Variants in YOD1 observed in about 807,000 individuals in gnomAD.
YOD1 encodes the protein ubiquitin thioesterase OTU1.
In YOD1, 17 loss-of-function variants were observed where a neutral mutation model predicts 23.7. The observed-to-expected ratio is 0.72, with a 90% confidence interval of 0.49 to 1.07. YOD1 has a LOEUF of 1.07. YOD1 is among the 50% of genes least tolerant of loss of function. The probability of loss-of-function intolerance (pLI) is 0.00; values close to 1 mark genes in which losing one functional copy is unlikely to be tolerated. For missense variants in YOD1, 413 were observed against 447.2 expected, an observed-to-expected ratio of 0.92 and a Z score of 0.69; for synonymous variants, 191 against 169.6, an observed-to-expected ratio of 1.13 and a Z score of -0.98.
chr1:207,048,420 A>C lies in YOD1; in HGVS notation c.*600T>G, dbSNP rs757591202. The stretch of plus-strand genomic sequence containing the variant: ...ATAATGTCTACCAAATTGCAATATA[A>C]AATCAGTTTGGACAATTCTGAGTAT... On this transcript the variant is annotated 3_prime_UTR_variant, in exon 2 of 2. Transcript: ENST00000315927. The C allele has an allele frequency of 6.5e-6, 1 of 153,634 alleles. No individual in the cohort carries two copies. The highest frequency in any genetic ancestry group is 2.4e-5 in the African/African-American group (1 of 41,466). The allele number at this position is 153,634 out of a possible 1,614,324, so 9.5% of individuals were successfully genotyped here.
rs1682536624 is a variant in YOD1 at position 207,044,138 on chromosome 1, T to G, written c.*4882A>C. 6.6e-6 allele frequency: 1 copy of G among 152,486 alleles called. No homozygotes were observed. Among genetic ancestry groups the G allele is most frequent in the South Asian group, 2.1e-4 (1 of 4,828 alleles). 9.4% of individuals were successfully genotyped at this position (152,486 alleles called of 1,614,324 possible). On this transcript the variant is annotated 3_prime_UTR_variant, in exon 2 of 2. Transcript: ENST00000315927. ...CCCATCCCTACTTTTTCAAGTCATA[T>G]TCTAAAGCTCTAATTTGACGGTCTT...
Position 207,049,689 on chromosome 1 carries a change from C to A in YOD1, c.378G>T (p.Arg126Ser), listed in dbSNP as rs1010707876. The change falls in exon 2 of 2, where the codon AGG (arginine) becomes AGT (serine). Residue 126 changes from arginine (R) to serine (S), a missense_variant. Transcript: ENST00000315927. ...TAGTAAATGCAGGTGAACTTCTGGGCCTGGTTTGGTCTTCTTCAATGATCA... is the reference window on the plus strand; with the variant it reads ...TAGTAAATGCAGGTGAACTTCTGGGACTGGTTTGGTCTTCTTCAATGATCA... ...DMLIIEEDQT[R>S]PRSSPAFTKR... is the part of the protein sequence containing the mutation. The A allele has an allele frequency of 1.2e-6, 2 of 1,613,938 alleles. No homozygotes were observed. The highest frequency in any genetic ancestry group is 1.7e-6 in the Non-Finnish European group (2 of 1,180,006).
rs1350791476 is a variant in YOD1, at chr1:207,047,046, G to C, written c.*1974C>G. On this transcript the variant is annotated 3_prime_UTR_variant, in exon 2 of 2. Coordinates refer to ENST00000315927, the MANE Select transcript of YOD1 (RefSeq NM_018566.4). ...TCTAGTGGTATATTCTTAATTTACA[G>C]TTTTAAATTTAGTATTTTCTGGGAG... 1 of 152,374 alleles carries C rather than the reference G, an allele frequency of 6.6e-6. No homozygotes were observed. Among genetic ancestry groups the C allele is most frequent in the Non-Finnish European group, 1.5e-5 (1 of 67,916 alleles). 9.4% of individuals were successfully genotyped at this position (152,374 alleles called of 1,614,324 possible).
Position 207,047,997 on chromosome 1 carries a change from G to C in YOD1, c.*1023C>G, listed in dbSNP as rs558178503. ...ATCTTACAAAAACCAACCCAAAGCA[G>C]AGCATTATTACTTGAAAAAAATTTT... On this transcript the variant is annotated 3_prime_UTR_variant, in exon 2 of 2. Coordinates refer to ENST00000315927, the MANE Select transcript of YOD1 (RefSeq NM_018566.4). The C allele has an allele frequency of 6.6e-6, 1 of 152,266 alleles. No individual in the cohort carries two copies. Among genetic ancestry groups the C allele is most frequent in the South Asian group, 2.1e-4 (1 of 4,814 alleles). 9.4% of individuals were successfully genotyped at this position (152,266 alleles called of 1,614,324 possible).
upstream of YOD1, chr1:207,052,321 A>G (rs1682773303): frequency 1.7e-6 from 2 of 1,185,446 alleles, no homozygotes; most frequent in African/African-American, 1.5e-5. Context: ...CGGATGATAC[A>G]GCCTGGGTTA....
At position 207,045,712 on chromosome 1, in the gene YOD1, T is replaced by C. The variant is rs1358267767; in HGVS notation, c.*3308A>G. 6.6e-6 allele frequency: 1 copy of C among 152,084 alleles called. No individual in the cohort carries two copies. The highest frequency in any genetic ancestry group is 2.4e-5 in the African/African-American group (1 of 41,430). The allele number at this position is 152,084 out of a possible 1,614,324, so 9.4% of individuals were successfully genotyped here. On this transcript the variant is annotated 3_prime_UTR_variant, in exon 2 of 2. Transcript: ENST00000315927. Reference sequence around the variant, plus strand: ...TTAGGGCAACTTGCAACACCCACGTTTTAATCCCTCCACAGAAGGAATAAA... The same window carrying C: ...TTAGGGCAACTTGCAACACCCACGTCTTAATCCCTCCACAGAAGGAATAAA...
At chr1:207,051,608 A>T (rs1682753620), upstream of YOD1, among the ~76,000 whole-genome samples, 1 of 152,208 alleles carries the variant, frequency 6.6e-6, no homozygotes, top group African/African-American at 2.4e-5. Flanking sequence ...CAGCTGCCTC[A>T]TTCAGGTGGT....
rs1682556719 is a variant in YOD1 at position 207,044,864 on chromosome 1, T to C, written c.*4156A>G. 6.6e-6 allele frequency: 1 copy of C among 152,510 alleles called. No homozygotes were observed. Among genetic ancestry groups the C allele is most frequent in the African/African-American group, 2.4e-5 (1 of 41,448 alleles). 9.4% of individuals were successfully genotyped at this position (152,510 alleles called of 1,614,324 possible). A position where few individuals can be genotyped will look rare whatever the true frequency, so the allele number is the denominator to read the frequency against. On this transcript the variant is annotated 3_prime_UTR_variant, in exon 2 of 2. Transcript: ENST00000315927. Reference sequence around the variant, plus strand: ...GGGGGTTACCAACCTCCTTTAAATGTGTATGAATCAAGACCTAAATCAGCA... The same window carrying C: ...GGGGGTTACCAACCTCCTTTAAATGCGTATGAATCAAGACCTAAATCAGCA...
upstream of YOD1, among the ~76,000 whole-genome samples, chr1:207,051,925 G>A (rs901874782): frequency 1.3e-5 from 2 of 152,258 alleles, no homozygotes; most frequent in Non-Finnish European, 2.9e-5. Context: ...GGCAACTAGA[G>A]CACTCTGGGA....
In YOD1 at chr1:207,045,130, C is replaced by T. The variant is rs1183968685; in HGVS notation, c.*3890G>A. The T allele has an allele frequency of 6.6e-6, 1 of 152,392 alleles. No individual in the cohort carries two copies. Among genetic ancestry groups the T allele is most frequent in the Non-Finnish European group, 1.5e-5 (1 of 67,922 alleles). 9.4% of individuals were successfully genotyped at this position (152,392 alleles called of 1,614,324 possible). A position where few individuals can be genotyped will look rare whatever the true frequency, so the allele number is the denominator to read the frequency against. Reference sequence around the variant, plus strand: ...TTAAAATGATGCCACTTGTATATGACACGTTTAAGGCCTCTGACTCAAAAA... The same window carrying T: ...TTAAAATGATGCCACTTGTATATGATACGTTTAAGGCCTCTGACTCAAAAA... On this transcript the variant is annotated 3_prime_UTR_variant, in exon 2 of 2. Coordinates refer to ENST00000315927, the MANE Select transcript of YOD1 (RefSeq NM_018566.4).
At position 207,045,606 on chromosome 1, in the gene YOD1, A is replaced by G. The variant is rs148220409; in HGVS notation, c.*3414T>C. The G allele has an allele frequency of 6.6e-6, 1 of 152,472 alleles. No individual in the cohort carries two copies. Among genetic ancestry groups the G allele is most frequent in the African/African-American group, 2.4e-5 (1 of 41,546 alleles). The allele number at this position is 152,472 out of a possible 1,614,324, so 9.4% of individuals were successfully genotyped here. ...AGGCCACCTGATTTGTCAAAAAAAA[A>G]AAAAAATCACTCTTGCTTAATCTTG... is the stretch of plus-strand genomic sequence containing the variant. On this transcript the variant is annotated 3_prime_UTR_variant, in exon 2 of 2. Coordinates refer to ENST00000315927, the MANE Select transcript of YOD1 (RefSeq NM_018566.4).
rs1682599543 is a variant in YOD1, at chr1:207,046,270, G to A, written c.*2750C>T. The A allele has an allele frequency of 6.6e-6, 1 of 151,940 alleles. No individual in the cohort carries two copies. The highest frequency in any genetic ancestry group is 2.4e-5 in the African/African-American group (1 of 41,386). The allele number at this position is 151,940 out of a possible 1,614,324, so 9.4% of individuals were successfully genotyped here. On this transcript the variant is annotated 3_prime_UTR_variant, in exon 2 of 2. Coordinates refer to ENST00000315927, the MANE Select transcript of YOD1 (RefSeq NM_018566.4). ...CATTCTGCTCTAGTACAAAACTTAA[G>A]ACATTTAATCCTCCTGAAAGTTGTA...
rs908266598 is a variant in YOD1 at position 207,045,953 on chromosome 1, A to C, written c.*3067T>G. On this transcript the variant is annotated 3_prime_UTR_variant, in exon 2 of 2. Transcript: ENST00000315927. ...CTAATTTCATGGGAAACAATGAAGA[A>C]ATCAACCATGAACCATTAGCAAAAG... 2.6e-5 allele frequency: 4 copies of C among 152,110 alleles called. No homozygotes were observed. Among genetic ancestry groups the C allele is most frequent in the African/African-American group, 4.8e-5 (2 of 41,444 alleles). 9.4% of individuals were successfully genotyped at this position (152,110 alleles called of 1,614,324 possible). A position where few individuals can be genotyped will look rare whatever the true frequency, so the allele number is the denominator to read the frequency against.
chr1:207,049,431 C>A lies in YOD1; in HGVS notation c.636G>T (p.Trp212Cys), dbSNP rs1242396123. ...CTCCCCAAGTGTCATCCCTTTTGAT[C>A]CAGTCACAGTACTCTTGATTTGTTT... ...LGKTNQEYCD[W>C]IKRDDTWGGA... The change falls in exon 2 of 2, where the codon TGG (tryptophan) becomes TGT (cysteine). Residue 212 changes from tryptophan to cysteine, a missense_variant. By Grantham distance (215) the Trp-to-Cys change is radical (BLOSUM62 -2). Coordinates refer to ENST00000315927, the MANE Select transcript of YOD1 (RefSeq NM_018566.4). The A allele has an allele frequency of 1.9e-6, 3 of 1,614,160 alleles. No individual in the cohort carries two copies. The highest frequency in any genetic ancestry group is 1.7e-5 in the Admixed American group (1 of 60,028).
In YOD1 at chr1:207,044,332, A is replaced by G. The variant is rs1366472728; in HGVS notation, c.*4688T>C. ...GGAAAAATACTATTCTGCTAAGTAC[A>G]TATTTCCTGTAAACAGCTGGAGTCC... On this transcript the variant is annotated 3_prime_UTR_variant, in exon 2 of 2. Transcript: ENST00000315927. 2 of 152,600 alleles carry G rather than the reference A, an allele frequency of 1.3e-5. No homozygotes were observed. The highest frequency in any genetic ancestry group is 2.9e-5 in the Non-Finnish European group (2 of 67,974). 9.5% of individuals were successfully genotyped at this position (152,600 alleles called of 1,614,324 possible).
chr1:207,046,294 T>C lies in YOD1; in HGVS notation c.*2726A>G, dbSNP rs144526589. ...AGACATTTAATCCTCCTGAAAGTTG[T>C]AAGTCCATAGATTTTCAAAATTCCC... On this transcript the variant is annotated 3_prime_UTR_variant, in exon 2 of 2. Coordinates refer to ENST00000315927, the MANE Select transcript of YOD1 (RefSeq NM_018566.4). 7 of 152,188 alleles carry C rather than the reference T, an allele frequency of 4.6e-5. No homozygotes were observed. Among genetic ancestry groups the C allele is most frequent in the African/African-American group, 1.7e-4 (7 of 41,540 alleles). 9.4% of individuals were successfully genotyped at this position (152,188 alleles called of 1,614,324 possible). A position where few individuals can be genotyped will look rare whatever the true frequency, so the allele number is the denominator to read the frequency against.
rs1558053727 is a variant in YOD1, at chr1:207,049,148, T to C, written c.919A>G (p.Arg307Gly). The C allele has an allele frequency of 6.2e-7, 1 of 1,614,056 alleles. No homozygotes were observed. The highest frequency in any genetic ancestry group is 8.5e-7 in the Non-Finnish European group (1 of 1,180,010). ...ALELADEARRRRQFTDVNRFT... is the reference protein window; with the variant it reads ...ALELADEARRGRQFTDVNRFT... The stretch of plus-strand genomic sequence containing the variant: ...CGGTTGACATCAGTAAACTGTCTCC[T>C]TCTTCTAGCTTCATCTGCTAATTCC... The change falls in exon 2 of 2, where the codon AGG becomes GGG. Residue 307 changes from arginine to glycine, a missense_variant. Transcript: ENST00000315927.
In YOD1 at chr1:207,046,642, T is replaced by A. The variant is rs938580405; in HGVS notation, c.*2378A>T. ...GTAAATGGACAACCTAGATAACAGA[T>A]AAAATACAATGAAATAAGATCCCCT... is the stretch of plus-strand genomic sequence containing the variant. On this transcript the variant is annotated 3_prime_UTR_variant, in exon 2 of 2. Coordinates refer to ENST00000315927, the MANE Select transcript of YOD1 (RefSeq NM_018566.4). 6.6e-6 allele frequency: 1 copy of A among 152,042 alleles called. No individual in the cohort carries two copies. Among genetic ancestry groups the A allele is most frequent in the African/African-American group, 2.4e-5 (1 of 41,436 alleles). The allele number at this position is 152,042 out of a possible 1,614,324, so 9.4% of individuals were successfully genotyped here.
In YOD1 at chr1:207,048,992, T is replaced by C; in HGVS notation, c.*28A>G. The stretch of plus-strand genomic sequence containing the variant: ...AGAGCCTTCTGGATGTGTGAGGTAG[T>C]AGGCTTCAACCCTCATTCATGCATA... On this transcript the variant is annotated 3_prime_UTR_variant, in exon 2 of 2. Coordinates refer to ENST00000315927, the MANE Select transcript of YOD1 (RefSeq NM_018566.4). The C allele has an allele frequency of 1.3e-6, 2 of 1,590,192 alleles. No individual in the cohort carries two copies. The highest frequency in any genetic ancestry group is 8.6e-7 in the Non-Finnish European group (1 of 1,164,724).
Sources: gnomAD v4.1 joint callset for allele counts (sites outside exome capture counted in the v4.1 genomes callset) on GRCh38, gnomAD v4.1.1 for gene constraint, MANE v1.5 for transcripts, NCBI Gene and HGNC (gene_info 2026-07-23, HGNC 2026-07-21) for gene names.